The following DLG2 variants were observed in gnomAD, a reference collection of about 807,000 sequenced individuals.
The protein encoded by DLG2 is discs large MAGUK scaffold protein 2.
In DLG2, 45 loss-of-function variants were observed where a neutral mutation model predicts 132.5. The ratio of observed to expected loss-of-function variants is 0.34; its 90% CI spans 0.27 to 0.44. DLG2 has a LOEUF of 0.44. Among genes scored for constraint, DLG2 ranks in the 20% least tolerant of loss-of-function variants. The pLI, the probability that DLG2 is intolerant of heterozygous loss-of-function variation, is 1.00. For missense variants in DLG2, 1,045 were observed against 1,196.9 expected, an observed-to-expected ratio of 0.87 and a Z score of 1.87; for synonymous variants, 424 against 419.6, an observed-to-expected ratio of 1.01 and a Z score of -0.13.
chr11:85,390,805 G>C (rs1596807461), intron 3 of DLG2, among the ~76,000 whole-genome samples: 1 of 151,956 alleles, frequency 6.6e-6, no homozygotes, highest in East Asian at 1.9e-4. Flanking sequence ...TAAGACGAAA[G>C]TTCATAGCAT....
At chr11:84,811,693 AT>A (rs543564455) in intron 6 of DLG2, among the ~76,000 whole-genome samples, 205 of 152,262 alleles carry the variant, frequency 1.3e-3, no homozygotes, top group South Asian at 2.5e-3. Context: ...CTTACCATTC[AT>A]TCACTTATTT....
intron 9 of DLG2, among the ~76,000 whole-genome samples, chr11:84,105,949 T>C (rs928303893): frequency 6.6e-6 from 1 of 152,160 alleles, no homozygotes; most frequent in Non-Finnish European, 1.5e-5. Context: ...TACAAAACTA[T>C]ATGTTGTTTT....
At chr11:85,414,805 T>C (rs1240786631) in intron 3 of DLG2, among the ~76,000 whole-genome samples, 1 of 152,030 alleles carries the variant, frequency 6.6e-6, no homozygotes, top group Non-Finnish European at 1.5e-5. Flanking sequence ...ATCTTTATGA[T>C]TGTGACATTT....
At chr11:83,923,033 T>A (rs1316367736) in intron 15 of DLG2, among the ~76,000 whole-genome samples, 1 of 151,966 alleles carries the variant, frequency 6.6e-6, no homozygotes, top group African/African-American at 2.4e-5. Flanking sequence ...ATAAACGTAA[T>A]AATAAAAGGA....
chr11:84,149,285 C>G (rs1324630920), intron 9 of DLG2, among the ~76,000 whole-genome samples: 1 of 152,094 alleles, frequency 6.6e-6, no homozygotes, highest in Non-Finnish European at 1.5e-5. Flanking sequence ...GCCATAAATT[C>G]TTTGCCAATG....
At chr11:85,618,194 T>C (rs540000879) in intron 2 of DLG2, among the ~76,000 whole-genome samples, 43 of 152,252 alleles carry the variant, frequency 2.8e-4, no homozygotes, top group African/African-American at 1.0e-3. Flanking sequence ...ATTGAGGATA[T>C]AGAAATACTT....
At chr11:84,679,151 C>T (rs979366217) in intron 6 of DLG2, among the ~76,000 whole-genome samples, 3 of 147,482 alleles carry the variant, frequency 2.0e-5, no homozygotes, top group African/African-American at 4.9e-5. Context: ...ATAATAGTTG[C>T]TAAATAAAAG....
intron 6 of DLG2, among the ~76,000 whole-genome samples, chr11:84,556,168 C>T (rs2099411597): frequency 6.6e-6 from 1 of 152,128 alleles, no homozygotes; most frequent in South Asian, 2.1e-4. Flanking sequence ...AAGTTCACTC[C>T]CATCTGGGCC....
intron 11 of DLG2, among the ~76,000 whole-genome samples, chr11:83,999,664 G>T (rs929975589): frequency 2.0e-5 from 3 of 152,092 alleles, no homozygotes; most frequent in African/African-American, 7.2e-5. Flanking sequence ...AGATTGGACT[G>T]CTTGGCATCC....
chr11:84,349,003 A>G (rs912132152), intron 7 of DLG2, among the ~76,000 whole-genome samples: 1 of 152,170 alleles, frequency 6.6e-6, no homozygotes, highest in Non-Finnish European at 1.5e-5. Context: ...AAACATTACC[A>G]TTGCTTAAGC....
chr11:85,445,507 G>A (rs903696919), intron 3 of DLG2, among the ~76,000 whole-genome samples: 3 of 152,084 alleles, frequency 2.0e-5, no homozygotes, highest in Non-Finnish European at 4.4e-5. Context: ...GTGAAACCCC[G>A]TCTCTACTGA....
chr11:85,036,786 C>A (rs1039152221), intron 6 of DLG2, among the ~76,000 whole-genome samples: 6 of 152,098 alleles, frequency 3.9e-5, no homozygotes, highest in African/African-American at 1.4e-4. Flanking sequence ...TCTATTTTGG[C>A]TTGATTTTCT....
chr11:84,367,062 A>T (rs1409449529), intron 7 of DLG2, among the ~76,000 whole-genome samples: 1 of 152,158 alleles, frequency 6.6e-6, no homozygotes, highest in East Asian at 1.9e-4. Flanking sequence ...ACATAGTTGG[A>T]AGTAAAGCTC....
At chr11:83,837,175 C>T (rs1464446848) in intron 16 of DLG2, among the ~76,000 whole-genome samples, 1 of 152,152 alleles carries the variant, frequency 6.6e-6, no homozygotes, top group Non-Finnish European at 1.5e-5. Flanking sequence ...CTTTCTCCTA[C>T]TTCATTGCCA....
chr11:85,234,185 T>G (rs1295809804), intron 4 of DLG2, among the ~76,000 whole-genome samples: 1 of 151,880 alleles, frequency 6.6e-6, no homozygotes, highest in African/African-American at 2.4e-5. Flanking sequence ...TACAGGAAGG[T>G]ACATCAACAA....
At chr11:83,995,659 G>C (rs1448346159) in intron 11 of DLG2, among the ~76,000 whole-genome samples, 1 of 152,204 alleles carries the variant, frequency 6.6e-6, no homozygotes, top group African/African-American at 2.4e-5. Context: ...AGACAGCCCA[G>C]AAACAAATCT....
chr11:84,582,624 C>T lies in DLG2; in HGVS notation c.358-47893G>A, dbSNP rs557933297. 9.0e-4 allele frequency among the ~76,000 whole-genome samples: 137 copies of T among 151,468 alleles called. 1 individual carries two copies. The highest frequency in any genetic ancestry group is 1.7e-3 in the Non-Finnish European group (118 of 67,842). ...TACATGTTGACAATAAATTATGGGACAGTTATAGACATAAAATTGTGTATA... is the reference window on the plus strand; with the variant it reads ...TACATGTTGACAATAAATTATGGGATAGTTATAGACATAAAATTGTGTATA... On this transcript the variant is annotated intron_variant, in intron 6 of 27. Coordinates refer to ENST00000376104, the MANE Select transcript of DLG2 (RefSeq NM_001142699.3).
chr11:83,873,433 A>G (rs1042828477), intron 16 of DLG2, among the ~76,000 whole-genome samples: 9 of 152,160 alleles, frequency 5.9e-5, no homozygotes, highest in African/African-American at 2.2e-4. Context: ...CATGACAGTG[A>G]ATAAGTCTCA....
At chr11:84,350,708 A>G (rs984053523) in intron 7 of DLG2, among the ~76,000 whole-genome samples, 2 of 152,242 alleles carry the variant, frequency 1.3e-5, no homozygotes, top group African/African-American at 4.8e-5. Context: ...CCTAATGAAT[A>G]TGGCTCTACT....
Sources: gnomAD v4.1 joint callset for allele counts (sites outside exome capture counted in the v4.1 genomes callset) on GRCh38, gnomAD v4.1.1 for gene constraint, MANE v1.5 for transcripts, NCBI Gene and HGNC (gene_info 2026-07-23, HGNC 2026-07-21) for gene names.